The following LGR6 variants were observed in gnomAD, a reference collection of about 807,000 sequenced individuals.
LGR6 encodes the protein leucine rich repeat containing G protein-coupled receptor 6.
LGR6 carries 45 observed loss-of-function variants against 69.4 expected under a neutral mutation model. The ratio of observed to expected loss-of-function variants is 0.65; its 90% confidence interval spans 0.51 to 0.83. LGR6 has a LOEUF of 0.83. Ranked by LOEUF, LGR6 falls within the 40% of genes least tolerant of loss-of-function variation. The probability of loss-of-function intolerance (pLI) is 0.00; values close to 1 mark genes in which losing one functional copy is unlikely to be tolerated. For missense variants in LGR6, 1,108 were observed against 1,246.7 expected, an observed-to-expected ratio of 0.89 and a Z score of 1.68; for synonymous variants, 538 against 555.0, an observed-to-expected ratio of 0.97 and a Z score of 0.43.
At chr1:202,236,425 C>G (rs774959270) in intron 4 of LGR6, 92 of 185,310 alleles carry the variant, frequency 5.0e-4, no homozygotes, top group Non-Finnish European at 9.1e-4. Context: ...AGGCTAGGCT[C>G]AGATACTCAT....
intron 1 of LGR6, among the ~76,000 whole-genome samples, chr1:202,200,147 C>A (rs1225963067): frequency 6.6e-6 from 1 of 152,218 alleles, no homozygotes; most frequent in East Asian, 1.9e-4. Flanking sequence ...TCTTGGGCTC[C>A]TGGGCCGGGA....
chr1:202,278,055 A>G (rs1665722177), intron 5 of LGR6, among the ~76,000 whole-genome samples: 1 of 152,128 alleles, frequency 6.6e-6, no homozygotes, highest in Non-Finnish European at 1.5e-5. Flanking sequence ...TTTCAACGTC[A>G]GAACAGAGAG....
In LGR6 at chr1:202,301,190, T is replaced by C. The variant is rs1667563528; in HGVS notation, c.884T>C (p.Phe295Ser). Residue 295 changes from phenylalanine (F) to serine (S), a missense_variant, in exon 9 of 18, where the codon TTT becomes TCT. Phe to Ser is a radical substitution (Grantham distance 155). Transcript: ENST00000367278. ...TIHFYDNPIQ[F>S]VGRSAFQYLP... The stretch of plus-strand genomic sequence containing the variant: ...CACTTTTATGATAACCCAATCCAGT[T>C]TGTGGGAAGATCGGCATTCCAGTAC... 8 of 1,614,220 alleles carry C rather than the reference T, an allele frequency of 5.0e-6. No individual in the cohort carries two copies. In the Middle Eastern group the frequency reaches 4.9e-4, roughly 100 times the overall value.
At chr1:202,286,023 G>A (rs192960875) in intron 6 of LGR6, among the ~76,000 whole-genome samples, 2 of 152,122 alleles carry the variant, frequency 1.3e-5, no homozygotes, top group East Asian at 3.9e-4. Context: ...GTTTTCTTCT[G>A]TGTCTCTCCT....
intron 15 of LGR6, among the ~76,000 whole-genome samples, chr1:202,309,523 C>T (rs1394542559): frequency 6.6e-6 from 1 of 152,264 alleles, no homozygotes; most frequent in Non-Finnish European, 1.5e-5. Context: ...TGGGCAGCAT[C>T]TGAGCCCCTG....
chr1:202,291,996 C>G (rs1357801751), intron 6 of LGR6, among the ~76,000 whole-genome samples: 2 of 152,148 alleles, frequency 1.3e-5, no homozygotes, highest in African/African-American at 4.8e-5. Context: ...GACCGGACTT[C>G]AAAGGATGAC....
At chr1:202,208,999 C>T (rs550101172) in intron 1 of LGR6, among the ~76,000 whole-genome samples, 5 of 152,112 alleles carry the variant, frequency 3.3e-5, no homozygotes, top group Non-Finnish European at 7.4e-5. Context: ...GCCCCTTACC[C>T]CTAACCTCGG....
At position 202,318,823 on chromosome 1, in the gene LGR6, G is replaced by T; in HGVS notation, c.2520G>T (p.Arg840=). 3 of 1,613,218 alleles carry T rather than the reference G, an allele frequency of 1.9e-6. No homozygotes were observed. The highest frequency in any genetic ancestry group is 2.2e-5 in the South Asian group (2 of 91,006). ...FNPHFRDDLR[R]LRPRAGDSGP... The stretch of plus-strand genomic sequence containing the variant: ...CCCACTTCCGGGATGACCTTCGGCG[G>T]CTTCGGCCCCGCGCAGGGGACTCAG... Residue 840 remains arginine, a synonymous_variant, in exon 18 of 18, where the codon CGG becomes CGT. Transcript: ENST00000367278.
At chr1:202,207,951 C>T (rs1355413912) in intron 1 of LGR6, among the ~76,000 whole-genome samples, 1 of 152,182 alleles carries the variant, frequency 6.6e-6, no homozygotes, top group Non-Finnish European at 1.5e-5. Flanking sequence ...AGTCCCTGGT[C>T]CAGCTGTGGA....
intron 6 of LGR6, among the ~76,000 whole-genome samples, chr1:202,286,241 C>T (rs1437600994): frequency 6.6e-6 from 1 of 152,214 alleles, no homozygotes; most frequent in Non-Finnish European, 1.5e-5. Context: ...TGGCGGGCTC[C>T]ATGACAGAGC....
At chr1:202,254,420 A>G (rs1375301579) in intron 4 of LGR6, among the ~76,000 whole-genome samples, 1 of 152,152 alleles carries the variant, frequency 6.6e-6, no homozygotes, top group Non-Finnish European at 1.5e-5. Flanking sequence ...TTGCTGCAAA[A>G]CTAGTTTATC....
At position 202,225,416 on chromosome 1, in the gene LGR6, C is replaced by T. The variant is rs572871589; in HGVS notation, c.213-7C>T. ...CACAGCTCCTTTTTCCATCTTCTCT[C>T]CACCAGGGACCTCAGCATGAACAAC... On this transcript the variant is annotated splice_region_variant and splice_polypyrimidine_tract_variant and intron_variant, in intron 1 of 17. Coordinates refer to ENST00000367278, the MANE Select transcript of LGR6 (RefSeq NM_001017403.2). The T allele has an allele frequency of 1.4e-5, 23 of 1,613,334 alleles. No individual in the cohort carries two copies. In the Admixed American group the frequency reaches 3.0e-4, roughly 21 times the overall value.
intron 16 of LGR6, among the ~76,000 whole-genome samples, chr1:202,311,262 G>A (rs190960958): frequency 7.2e-5 from 11 of 152,282 alleles, no homozygotes; most frequent in African/African-American, 2.4e-4. Context: ...TCATTACAGC[G>A]TAGACAAAAC....
At chr1:202,287,322 C>T (rs1666466733) in intron 6 of LGR6, among the ~76,000 whole-genome samples, 1 of 152,124 alleles carries the variant, frequency 6.6e-6, no homozygotes, top group Admixed American at 6.5e-5. Context: ...GATCAGAAGT[C>T]CTGAGTTCTT....
chr1:202,211,950 T>C (rs575229251), intron 1 of LGR6, among the ~76,000 whole-genome samples: 1 of 152,324 alleles, frequency 6.6e-6, no homozygotes, highest in South Asian at 2.1e-4. Context: ...TCTGGCTTCT[T>C]TTCCTCACCA....
intron 4 of LGR6, among the ~76,000 whole-genome samples, chr1:202,254,136 C>T (rs546593818): frequency 2.6e-5 from 4 of 152,186 alleles, no homozygotes; most frequent in South Asian, 4.2e-4. Context: ...TTAGTAGAAA[C>T]GGGGTTTCAC....
chr1:202,254,630 T>C (rs532799749), intron 4 of LGR6, among the ~76,000 whole-genome samples: 2 of 152,290 alleles, frequency 1.3e-5, no homozygotes, highest in East Asian at 1.9e-4. Flanking sequence ...CTGTGAGACA[T>C]GTTCACAAAT....
At chr1:202,289,824 G>T (rs1374081438) in intron 6 of LGR6, among the ~76,000 whole-genome samples, 1 of 152,228 alleles carries the variant, frequency 6.6e-6, no homozygotes, top group Non-Finnish European at 1.5e-5. Context: ...GCCTTTGGGA[G>T]ATAAAAGGCA....
At chr1:202,214,042 G>T in intron 1 of LGR6, 3 of 1,348,856 alleles carry the variant, frequency 2.2e-6, no homozygotes, top group Non-Finnish European at 2.8e-6. Context: ...GATGGGTGGG[G>T]CGCTATCCAG....
Sources: gnomAD v4.1 joint callset for allele counts (sites outside exome capture counted in the v4.1 genomes callset) on GRCh38, gnomAD v4.1.1 for gene constraint, MANE v1.5 for transcripts, NCBI Gene and HGNC (gene_info 2026-07-23, HGNC 2026-07-21) for gene names.